OR6N1: variants seen among roughly 807,000 people sequenced by gnomAD.
OR6N1 encodes the protein olfactory receptor family 6 subfamily N member 1.
For missense variants in OR6N1, 394 were observed against 371.7 expected (o/e 1.06, Z -0.49); for synonymous variants, 170 against 150.7 (o/e 1.13, Z -0.94).
chr1:158,784,533 C>T, the OR6N1 span, among the ~76,000 whole-genome samples: 1 of 152,322 alleles, frequency 6.6e-6, no homozygotes, highest in South Asian at 2.1e-4. Flanking sequence ...TCCTGTCTAA[C>T]TGTAACTTCA....
chr1:158,827,841 C>T, the OR6N1 span, among the ~76,000 whole-genome samples: 2 of 152,118 alleles, frequency 1.3e-5, no homozygotes, highest in African/African-American at 2.4e-5. Context: ...TAAAGGCATA[C>T]CTGAGACTGG....
chr1:158,778,997 C>A, the OR6N1 span, among the ~76,000 whole-genome samples: 5 of 116,532 alleles, frequency 4.3e-5, no homozygotes, highest in African/African-American at 1.5e-4. Context: ...CCAGCCTGGG[C>A]GACAGTGCGA....
chr1:158,802,451 A>G, the OR6N1 span, among the ~76,000 whole-genome samples: 780 of 151,786 alleles, frequency 5.1e-3, 8 homozygotes, highest in Non-Finnish European at 5.5e-3. Context: ...CTCGTGATCC[A>G]CCCGCCTTGG....
chr1:158,812,389 C>A, the OR6N1 span, among the ~76,000 whole-genome samples: 71 of 152,280 alleles, frequency 4.7e-4, no homozygotes, highest in African/African-American at 1.2e-3. Flanking sequence ...CAAATATAGG[C>A]CTTGCTTAGC....
chr1:158,788,283 A>G, the OR6N1 span, among the ~76,000 whole-genome samples: 1 of 152,338 alleles, frequency 6.6e-6, no homozygotes, highest in South Asian at 2.1e-4. Context: ...CTAGAAGTCT[A>G]TCATAAGCAC....
chr1:158,765,189 GAAATT>G lies in OR6N1; in HGVS notation c.*550_*554del, dbSNP rs1399931687. The G allele has an allele frequency of 6.6e-6, 1 of 152,110 alleles. No homozygotes were observed. The highest frequency in any genetic ancestry group is 2.4e-5 in the African/African-American group (1 of 41,430). 9.4% of individuals were successfully genotyped at this position (152,110 alleles called of 1,614,324 possible). On this transcript the variant is annotated 3_prime_UTR_variant, in exon 2 of 2. Coordinates refer to ENST00000641846, the MANE Select transcript of OR6N1 (RefSeq NM_001005185.2). The stretch of plus-strand genomic sequence containing the variant: ...CAAGAAAATACCATTATCAAATAAT[GAAATT>G]AAGACTCAGAGATGCTAAGTTACTT...
the OR6N1 span, among the ~76,000 whole-genome samples, chr1:158,831,083 C>T: frequency 6.6e-6 from 1 of 152,136 alleles, no homozygotes; most frequent in East Asian, 1.9e-4. Context: ...CTTATTCAAG[C>T]GGCTACCGGT....
At chr1:158,773,612 G>A (rs1227016513), upstream of OR6N1, among the ~76,000 whole-genome samples, 2 of 151,974 alleles carry the variant, frequency 1.3e-5, no homozygotes, top group East Asian at 3.9e-4. Flanking sequence ...CTAAACCTCA[G>A]CCTTGGCTTA....
At chr1:158,770,734 T>C (rs910135564) in intron 1 of OR6N1, among the ~76,000 whole-genome samples, 2 of 152,204 alleles carry the variant, frequency 1.3e-5, no homozygotes, top group African/African-American at 4.8e-5. Flanking sequence ...TGTACTTATG[T>C]TTCTAATTTT....
chr1:158,803,553 C>T, the OR6N1 span, among the ~76,000 whole-genome samples: 3 of 152,166 alleles, frequency 2.0e-5, no homozygotes, highest in Non-Finnish European at 4.4e-5. Flanking sequence ...TTATTCCTCC[C>T]TATATCACAT....
the OR6N1 span, among the ~76,000 whole-genome samples, chr1:158,825,760 C>A: frequency 2.0e-5 from 3 of 152,150 alleles, no homozygotes; most frequent in Non-Finnish European, 4.4e-5. Flanking sequence ...TTTGACCCAG[C>A]AATCCCATTA....
At chr1:158,818,611 T>C in the OR6N1 span, among the ~76,000 whole-genome samples, 10 of 152,112 alleles carry the variant, frequency 6.6e-5, no homozygotes, top group Non-Finnish European at 1.5e-4. Context: ...ATTCTGTACA[T>C]GGAGAGGAGA....
the OR6N1 span, among the ~76,000 whole-genome samples, chr1:158,800,671 C>A: frequency 6.6e-6 from 1 of 152,158 alleles, no homozygotes; most frequent in Non-Finnish European, 1.5e-5. Flanking sequence ...CATATCTTTT[C>A]TCTTAAAATA....
chr1:158,806,270 A>C, the OR6N1 span, among the ~76,000 whole-genome samples: 1 of 152,172 alleles, frequency 6.6e-6, no homozygotes, highest in African/African-American at 2.4e-5. Flanking sequence ...GGGACTACTC[A>C]GTTTATGACA....
the OR6N1 span, among the ~76,000 whole-genome samples, chr1:158,817,311 T>C: frequency 3.3e-5 from 5 of 152,226 alleles, no homozygotes; most frequent in African/African-American, 1.2e-4. Flanking sequence ...GAGCTGTGTG[T>C]CTTTTGGCAG....
the OR6N1 span, among the ~76,000 whole-genome samples, chr1:158,802,401 G>C: frequency 3.3e-5 from 5 of 151,618 alleles, no homozygotes; most frequent in South Asian, 6.3e-4. Context: ...GTAGAGACAG[G>C]GTTTCACCAT....
chr1:158,777,057 A>G (rs16841094), upstream of OR6N1: 151,180 of 1,613,954 alleles, frequency 0.094, 10,480 homozygotes, highest in South Asian at 0.3. Flanking sequence ...GAATGTTAGC[A>G]GATGTGTCCT....
the OR6N1 span, among the ~76,000 whole-genome samples, chr1:158,816,224 T>A: frequency 1.0e-3 from 155 of 152,158 alleles, no homozygotes; most frequent in African/African-American, 3.4e-3. Flanking sequence ...TTAAAACCTC[T>A]TTTCTATACA....
rs537703755 is a variant in OR6N1 at position 158,765,804 on chromosome 1, G to A, written c.879C>T (p.Arg293=). 2 of 1,614,140 alleles carry A rather than the reference G, an allele frequency of 1.2e-6. No homozygotes were observed. Among genetic ancestry groups the A allele is most frequent in the African/African-American group, 1.3e-5 (1 of 75,028 alleles). Residue 293 remains arginine (R), a synonymous_variant, in exon 2 of 2, where the codon CGC becomes CGT. Transcript: ENST00000641846. ...PFLNPFIYSL[R]NKEIKEAVRR... ...TCACAGCCTCCTTGATCTCCTTGTT[G>A]CGCAAGCTGTAGATGAAGGGGTTGA...
Sources: allele counts gnomAD v4.1 joint callset (sites outside exome capture counted in the v4.1 genomes callset), GRCh38; gene constraint gnomAD v4.1.1; transcripts MANE v1.5; gene names NCBI Gene and HGNC (gene_info 2026-07-23, HGNC 2026-07-21).